The following KCTD1 variants were observed in gnomAD, a reference collection of about 807,000 sequenced individuals.
The protein encoded by KCTD1 is potassium channel tetramerization domain containing 1, also known as BTB/POZ domain-containing protein KCTD1.
KCTD1 carries 24 observed loss-of-function variants against 66.0 expected under a neutral mutation model. The observed-to-expected ratio is 0.36, with a 90% CI of 0.26 to 0.51. KCTD1 has a LOEUF of 0.51. Ranked by LOEUF, KCTD1 falls within the 20% of genes least tolerant of loss-of-function variation. The pLI is 0.95. For synonymous variants in KCTD1, 511 were observed against 517.2 expected, an observed-to-expected ratio of 0.99 and a Z score of 0.16; for missense variants, 943 against 1,205.2, an observed-to-expected ratio of 0.78 and a Z score of 3.22.
At chr18:26,465,841 T>C (rs931396122) in intron 3 of KCTD1, among the ~76,000 whole-genome samples, 3 of 152,014 alleles carry the variant, frequency 2.0e-5, no homozygotes, top group Non-Finnish European at 4.4e-5. Flanking sequence ...TGCTCTTCCA[T>C]CCTCCCAGTC....
intron 1 of KCTD1, among the ~76,000 whole-genome samples, chr18:26,622,487 C>G (rs1050799593): frequency 6.6e-6 from 1 of 152,150 alleles, no homozygotes; most frequent in African/African-American, 2.4e-5. Context: ...TCACCTACAC[C>G]CAACCCTGGA....
Position 26,513,855 on chromosome 18 carries a change from A to G in KCTD1, c.1810-12605T>C, listed in dbSNP as rs142006001. ...TGGTCATGAAATGAAGGGCATTCCA[A>G]AAGTATGAGTGCAAAAAAGAGCTAA... On this transcript the variant is annotated intron_variant, in intron 1 of 4. Coordinates refer to ENST00000580059, the MANE Select transcript of KCTD1 (RefSeq NM_001142730.3). Among the ~76,000 whole-genome samples, 792 of 152,372 alleles carry G rather than the reference A, an allele frequency of 5.2e-3. 10 individuals carry two copies. The highest frequency in any genetic ancestry group is 0.018 in the African/African-American group (752 of 41,586).
chr18:26,482,997 T>C (rs1981727623), intron 2 of KCTD1, among the ~76,000 whole-genome samples: 1 of 152,250 alleles, frequency 6.6e-6, no homozygotes, highest in Non-Finnish European at 1.5e-5. Context: ...TTCCAAGCCA[T>C]GGGACATATG....
At chr18:26,548,911 G>C, upstream of KCTD1, 1 of 989,824 alleles carries the variant, frequency 1.0e-6, no homozygotes, top group Non-Finnish European at 1.2e-6. Flanking sequence ...AGAATTGCGC[G>C]GGCCCGGGCG....
At chr18:26,550,130 T>C (rs8084695), upstream of KCTD1, among the ~76,000 whole-genome samples, 10,723 of 152,062 alleles carry the variant, frequency 0.071, 514 homozygotes, top group African/African-American at 0.13. The surrounding 1 kb of genome is among the most constrained non-coding windows in gnomAD (Gnocchi z 5.4). Context: ...TCCCCAGCAG[T>C]GCGCCCCGGT....
At chr18:26,499,618 G>A (rs1982651030) in intron 2 of KCTD1, among the ~76,000 whole-genome samples, 1 of 152,162 alleles carries the variant, frequency 6.6e-6, no homozygotes. Flanking sequence ...ATCAAGTAAT[G>A]GAGTGAGATT....
At chr18:26,634,475 C>A (rs926632809) in intron 1 of KCTD1, among the ~76,000 whole-genome samples, 1 of 151,882 alleles carries the variant, frequency 6.6e-6, no homozygotes, top group Non-Finnish European at 1.5e-5. Context: ...ATGGAAAATA[C>A]ATATCGGGCA....
chr18:26,476,439 A>C lies in KCTD1; in HGVS notation c.2133+76T>G, dbSNP rs1981349490. 2 of 1,389,994 alleles carry C rather than the reference A, an allele frequency of 1.4e-6. No homozygotes were observed. The highest frequency in any genetic ancestry group is 1.4e-5 in the African/African-American group (1 of 69,036). 86.1% of individuals were successfully genotyped at this position (1,389,994 alleles called of 1,614,324 possible). ...GAGTTGGTGTATGTTAATAATGTAGAACTAGAAATATTTTTTTGGAGCACA... is the reference window on the plus strand; with the variant it reads ...GAGTTGGTGTATGTTAATAATGTAGCACTAGAAATATTTTTTTGGAGCACA... On this transcript the variant is annotated intron_variant, in intron 3 of 4. Coordinates refer to ENST00000580059, the MANE Select transcript of KCTD1 (RefSeq NM_001142730.3). This position sits in a 1 kb window ranked among gnomAD's most constrained non-coding sequence, Gnocchi z 4.9.
upstream of KCTD1, among the ~76,000 whole-genome samples, chr18:26,550,399 T>G (rs549560584): frequency 6.6e-6 from 1 of 151,356 alleles, no homozygotes; most frequent in African/African-American, 2.4e-5. The surrounding 1 kb of genome is among the most constrained non-coding windows in gnomAD (Gnocchi z 5.4). Flanking sequence ...TGAGTGGGAG[T>G]TGACGATGTC....
chr18:26,647,595 C>T (rs1987954979), intron 1 of KCTD1, among the ~76,000 whole-genome samples: 1 of 137,796 alleles, frequency 7.3e-6, no homozygotes. Context: ...TGAGAGTTGT[C>T]TCTTCTACCA....
chr18:26,464,339 T>G (rs1280385698), intron 3 of KCTD1, among the ~76,000 whole-genome samples: 8 of 152,192 alleles, frequency 5.3e-5, no homozygotes, highest in African/African-American at 1.9e-4. Flanking sequence ...TCCCATCTTC[T>G]CTAACCCCGG....
intron 1 of KCTD1, among the ~76,000 whole-genome samples, chr18:26,615,513 T>C (rs920380903): frequency 6.6e-6 from 1 of 152,046 alleles, no homozygotes; most frequent in Admixed American, 6.6e-5. Context: ...ATGAGAAGAG[T>C]GCAAAATCAA....
chr18:26,557,665 C>T (rs1985738915), intron 1 of KCTD1, among the ~76,000 whole-genome samples: 1 of 152,188 alleles, frequency 6.6e-6, no homozygotes, highest in African/African-American at 2.4e-5. Flanking sequence ...AACACTGCCT[C>T]AAAGCTCATA....
At chr18:26,626,201 G>A (rs896813764) in intron 1 of KCTD1, among the ~76,000 whole-genome samples, 5 of 151,124 alleles carry the variant, frequency 3.3e-5, no homozygotes, top group East Asian at 1.9e-4. Flanking sequence ...GAGCCAACTC[G>A]ATTAGGACTT....
chr18:26,498,911 T>C (rs1034192910), intron 2 of KCTD1, among the ~76,000 whole-genome samples: 1 of 152,134 alleles, frequency 6.6e-6, no homozygotes, highest in Non-Finnish European at 1.5e-5. Context: ...ATTTGAGAGA[T>C]AGGAACTGAA....
intron 1 of KCTD1, among the ~76,000 whole-genome samples, chr18:26,603,749 A>C (rs1476660615): frequency 9.5e-6 from 1 of 104,842 alleles, no homozygotes; most frequent in Non-Finnish European, 2.0e-5. Context: ...TCTCAAAAAA[A>C]TAAAATAAAT....
At chr18:26,609,053 A>G (rs1010859444) in intron 1 of KCTD1, among the ~76,000 whole-genome samples, 2 of 152,154 alleles carry the variant, frequency 1.3e-5, no homozygotes, top group African/African-American at 4.8e-5. Context: ...GCAGAGGACG[A>G]TGTCAAAACT....
At chr18:26,616,386 G>C (rs901610410) in intron 1 of KCTD1, among the ~76,000 whole-genome samples, 1 of 151,332 alleles carries the variant, frequency 6.6e-6, no homozygotes, top group Non-Finnish European at 1.5e-5. Flanking sequence ...TGTTTTATAT[G>C]CCTATTTCTT....
intron 1 of KCTD1, chr18:26,640,272 C>T (rs1987809296): frequency 6.6e-6 from 1 of 152,086 alleles, no homozygotes; most frequent in Admixed American, 6.5e-5. Context: ...CTCATCCCTC[C>T]AGAAAATTTA....
Sources: gnomAD v4.1 joint callset for allele counts (sites outside exome capture counted in the v4.1 genomes callset) on GRCh38, gnomAD v4.1.1 for gene constraint, Gnocchi (gnomAD v3.1) non-coding constraint, MANE v1.5 for transcripts, NCBI Gene and HGNC (gene_info 2026-07-23, HGNC 2026-07-21) for gene names.